XRRA1: variants seen among roughly 807,000 people sequenced by gnomAD.
XRRA1 encodes X-ray radiation resistance associated 1.
XRRA1 carries 69 observed loss-of-function variants against 80.2 expected under a neutral mutation model. That is an observed-to-expected ratio of 0.86 (90% confidence interval 0.71 to 1.05). The LOEUF is 1.05. Among genes scored for constraint, XRRA1 ranks in the 50% least tolerant of loss-of-function variants. The probability of loss-of-function intolerance (pLI) is 0.00; values close to 1 mark genes in which losing one functional copy is unlikely to be tolerated. For missense variants in XRRA1, 967 were observed against 976.4 expected (o/e 0.99, Z 0.13); for synonymous variants, 348 against 389.9 (o/e 0.89, Z 1.27).
At chr11:74,948,524 C>T (rs1251677791) in intron 1 of XRRA1, among the ~76,000 whole-genome samples, 1 of 152,192 alleles carries the variant, frequency 6.6e-6, no homozygotes, top group Non-Finnish European at 1.5e-5. Context: ...CTATTACATC[C>T]TAAAACCGTA....
intron 3 of XRRA1, among the ~76,000 whole-genome samples, chr11:74,940,294 T>G (rs531047775): frequency 3.9e-4 from 60 of 152,166 alleles, no homozygotes; most frequent in African/African-American, 1.4e-3. Flanking sequence ...CCATGATCAC[T>G]CATCAAATAA....
chr11:74,921,971 G>A (rs544556579), intron 7 of XRRA1, among the ~76,000 whole-genome samples: 27 of 152,218 alleles, frequency 1.8e-4, no homozygotes, highest in Middle Eastern at 6.8e-3. Flanking sequence ...AAAATGAGCT[G>A]AATAAACTGG....
chr11:74,857,675 C>T lies in XRRA1; in HGVS notation c.1170+1483G>A, dbSNP rs185716618. Among the ~76,000 whole-genome samples the T allele has an allele frequency of 5.9e-5, 9 of 152,214 alleles. 1 individual carries two copies. The highest frequency in any genetic ancestry group is 3.9e-4 in the Admixed American group (6 of 15,304). On this transcript the variant is annotated intron_variant, in intron 12 of 18. Transcript: ENST00000684022. ...CAGAATATACATAGTTTTTGAAATG[C>T]ACATGGAATGTTCACCAAGACAGAC...
At chr11:74,853,854 A>C (rs575103446) in intron 12 of XRRA1, among the ~76,000 whole-genome samples, 2 of 152,316 alleles carry the variant, frequency 1.3e-5, no homozygotes, top group South Asian at 2.1e-4. Flanking sequence ...CACCTGGTGC[A>C]AAATGGGGCT....
intron 10 of XRRA1, among the ~76,000 whole-genome samples, chr11:74,892,045 A>G (rs534460235): frequency 1.3e-5 from 2 of 152,286 alleles, no homozygotes. Context: ...ACAGAATTGG[A>G]AAAAACTACT....
chr11:74,873,837 C>T (rs1282138520), intron 10 of XRRA1, among the ~76,000 whole-genome samples: 4 of 152,114 alleles, frequency 2.6e-5, no homozygotes, highest in Non-Finnish European at 5.9e-5. Flanking sequence ...TTTCCTCCTT[C>T]CCCCTCCCTA....
chr11:74,948,073 C>T (rs182817341), intron 1 of XRRA1, among the ~76,000 whole-genome samples: 4 of 152,256 alleles, frequency 2.6e-5, no homozygotes, highest in South Asian at 2.1e-4. Flanking sequence ...CTGTTTTATT[C>T]AGGGATATAT....
intron 1 of XRRA1, among the ~76,000 whole-genome samples, chr11:74,947,647 C>T (rs982653282): frequency 2.0e-5 from 3 of 152,156 alleles, no homozygotes; most frequent in African/African-American, 7.2e-5. Flanking sequence ...CAACAACAAG[C>T]TACAGGGGAT....
chr11:74,897,255 A>C (rs1003977089), intron 10 of XRRA1, among the ~76,000 whole-genome samples: 1 of 152,054 alleles, frequency 6.6e-6, no homozygotes, highest in Non-Finnish European at 1.5e-5. Context: ...CAGTCTCTTG[A>C]GAGCAGAAAG....
intron 10 of XRRA1, among the ~76,000 whole-genome samples, chr11:74,875,755 C>T (rs527485319): frequency 6.6e-6 from 1 of 152,208 alleles, no homozygotes; most frequent in South Asian, 2.1e-4. Context: ...CCTGTAATCC[C>T]GGTTACTTGG....
At chr11:74,852,109 A>G in intron 12 of XRRA1, 27 bp from the exon 13 acceptor site, 4 of 1,588,722 alleles carry the variant, frequency 2.5e-6, no homozygotes, top group Non-Finnish European at 3.5e-6. Flanking sequence ...AGAGACTCTC[A>G]GGTTGACACC....
chr11:74,847,680 T>C (rs931092153), intron 15 of XRRA1, among the ~76,000 whole-genome samples: 1 of 152,146 alleles, frequency 6.6e-6, no homozygotes, highest in Admixed American at 6.5e-5. Flanking sequence ...CAGCACTGAT[T>C]GCATAAGCTG....
chr11:74,918,308 G>GTGTC (rs1394023410), intron 8 of XRRA1, among the ~76,000 whole-genome samples: 1 of 150,396 alleles, frequency 6.6e-6, no homozygotes, highest in Non-Finnish European at 1.5e-5. Flanking sequence ...TAGTGTGTGT[G>GTGTC]TGTGTGTGTG....
intron 2 of XRRA1, 29 bp from the exon 3 acceptor site, chr11:74,940,911 G>A (rs1159293319): frequency 6.4e-7 from 1 of 1,556,542 alleles, no homozygotes; most frequent in Non-Finnish European, 8.8e-7. Flanking sequence ...AAGCAAGGAA[G>A]CAGAAGAGTG....
At chr11:74,875,798 G>T (rs1427768108) in intron 10 of XRRA1, among the ~76,000 whole-genome samples, 1 of 152,176 alleles carries the variant, frequency 6.6e-6, no homozygotes, top group African/African-American at 2.4e-5. Context: ...TTTAACACAG[G>T]AGGTGGAGGT....
At chr11:74,945,135 GA>G (rs1947227420) in intron 1 of XRRA1, 50 bp from the exon 2 acceptor site, 1 of 152,170 alleles carries the variant, frequency 6.6e-6, no homozygotes, top group Admixed American at 6.6e-5. Flanking sequence ...CAGAGCTCTT[GA>G]ACTTCCTCAT....
chr11:74,860,150 T>G (rs2042017094), intron 11 of XRRA1, among the ~76,000 whole-genome samples: 1 of 152,222 alleles, frequency 6.6e-6, no homozygotes, highest in Non-Finnish European at 1.5e-5. Context: ...TGTGGGGCAC[T>G]TACTTTGAGC....
chr11:74,934,544 A>G (rs1944462466), intron 4 of XRRA1, among the ~76,000 whole-genome samples: 1 of 152,224 alleles, frequency 6.6e-6, no homozygotes, highest in African/African-American at 2.4e-5. Context: ...TATGAGACAT[A>G]TAACAGGAGG....
chr11:74,898,414 A>C (rs2052866428), intron 10 of XRRA1, among the ~76,000 whole-genome samples: 1 of 152,178 alleles, frequency 6.6e-6, no homozygotes, highest in South Asian at 2.1e-4. Context: ...GTCCCTGCTT[A>C]ATAGTAACAT....
Sources: gnomAD v4.1 joint callset for allele counts (sites outside exome capture counted in the v4.1 genomes callset) on GRCh38, gnomAD v4.1.1 for gene constraint, MANE v1.5 for transcripts, NCBI Gene and HGNC (gene_info 2026-07-23, HGNC 2026-07-21) for gene names.